Variants in ANKS1B observed in about 807,000 individuals in gnomAD.
ANKS1B encodes ankyrin repeat and sterile alpha motif domain-containing protein 1B.
In ANKS1B, 36 loss-of-function variants were observed where a neutral mutation model predicts 148.3. The ratio of observed to expected loss-of-function variants is 0.24; its 90% CI spans 0.19 to 0.32. The LOEUF (loss-of-function observed/expected upper bound fraction) is 0.32. Among genes scored for constraint, ANKS1B ranks in the 10% least tolerant of loss-of-function variants. The probability of loss-of-function intolerance (pLI) is 1.00; values close to 1 mark genes in which losing one functional copy is unlikely to be tolerated. For missense variants in ANKS1B, 1,157 were observed against 1,542.6 expected, an observed-to-expected ratio of 0.75 and a Z score of 4.19; for synonymous variants, 542 against 560.8, an observed-to-expected ratio of 0.97 and a Z score of 0.47.
intron 12 of ANKS1B, among the ~76,000 whole-genome samples, chr12:99,363,280 T>C (rs1202001362): frequency 6.6e-6 from 1 of 152,088 alleles, no homozygotes; most frequent in Non-Finnish European, 1.5e-5. Context: ...GGAGAAATTA[T>C]AGAAGAAATT....
At chr12:99,020,162 C>T (rs1292159013) in intron 17 of ANKS1B, among the ~76,000 whole-genome samples, 1 of 151,960 alleles carries the variant, frequency 6.6e-6, no homozygotes, top group Non-Finnish European at 1.5e-5. Flanking sequence ...AGTACATCTA[C>T]ACTGTTATGC....
intron 12 of ANKS1B, among the ~76,000 whole-genome samples, chr12:99,266,537 G>T (rs1466264947): frequency 6.6e-6 from 1 of 152,098 alleles, no homozygotes; most frequent in Non-Finnish European, 1.5e-5. Flanking sequence ...TCTAGAGGTT[G>T]TGCTCTTACC....
chr12:99,739,266 C>T (rs116213974), intron 8 of ANKS1B, among the ~76,000 whole-genome samples: 1,719 of 138,764 alleles, frequency 0.012, 40 homozygotes, highest in African/African-American at 0.044. Flanking sequence ...TCAAAAGAAA[C>T]TTCCATTTTA....
At chr12:99,141,209 C>G (rs79924955) in intron 15 of ANKS1B, among the ~76,000 whole-genome samples, 1 of 152,062 alleles carries the variant, frequency 6.6e-6, no homozygotes, top group Non-Finnish European at 1.5e-5. Context: ...CTTTGCCCCA[C>G]AAGTCACCCT....
At chr12:99,447,042 G>A (rs1452210197) in intron 10 of ANKS1B, among the ~76,000 whole-genome samples, 1 of 151,862 alleles carries the variant, frequency 6.6e-6, no homozygotes, top group African/African-American at 2.4e-5. Flanking sequence ...AGAAAAAACT[G>A]AGCACATTAC....
chr12:98,820,869 A>G (rs1398596513), intron 19 of ANKS1B, among the ~76,000 whole-genome samples: 1 of 152,202 alleles, frequency 6.6e-6, no homozygotes, highest in Non-Finnish European at 1.5e-5. Flanking sequence ...AAACAGAAAC[A>G]GTTTTGCAAG....
At chr12:99,948,985 C>T (rs754348874) in intron 1 of ANKS1B, among the ~76,000 whole-genome samples, 8 of 152,110 alleles carry the variant, frequency 5.3e-5, no homozygotes, top group Admixed American at 2.6e-4. Context: ...AATGACTATA[C>T]TGTGAGGTTG....
At chr12:99,950,764 A>G (rs2095199665) in intron 1 of ANKS1B, among the ~76,000 whole-genome samples, 2 of 151,604 alleles carry the variant, frequency 1.3e-5, no homozygotes, top group Admixed American at 1.3e-4. Context: ...TTTTTCTCTA[A>G]TCTGAGTGGT....
intron 9 of ANKS1B, among the ~76,000 whole-genome samples, chr12:99,509,024 C>T (rs1333423759): frequency 6.6e-6 from 1 of 151,770 alleles, no homozygotes; most frequent in East Asian, 1.9e-4. Flanking sequence ...TCTGTTATGG[C>T]CATCTGTGAT....
intron 11 of ANKS1B, among the ~76,000 whole-genome samples, chr12:99,434,928 C>A (rs563072558): frequency 1.3e-5 from 2 of 151,952 alleles, no homozygotes; most frequent in South Asian, 2.1e-4. Context: ...CTATTACTGG[C>A]AATGTGGGCA....
intron 15 of ANKS1B, among the ~76,000 whole-genome samples, chr12:99,103,792 A>G (rs1054936619): frequency 6.6e-6 from 1 of 152,196 alleles, no homozygotes; most frequent in Non-Finnish European, 1.5e-5. Context: ...CAATTAATAA[A>G]TTGTAAGCTC....
rs148275002 is a variant in ANKS1B, at chr12:99,785,590, G to A, written c.670-3493C>T. Among the ~76,000 whole-genome samples, 363 of 152,016 alleles carry A rather than the reference G, an allele frequency of 2.4e-3. 5 individuals carry two copies. The East Asian group carries it at 0.044, about 18-fold the overall frequency. ...CTGAGATTAAGGCATGCGCCACCAC[G>A]CCCAGCTAATTTTTGTATGTTTAGT... On this transcript the variant is annotated intron_variant, in intron 4 of 26. Transcript: ENST00000683438.
At position 98,745,815 on chromosome 12, in the gene ANKS1B, T is replaced by C. The variant is rs768616407; in HGVS notation, c.3782A>G (p.Asn1261Ser). The C allele has an allele frequency of 3.7e-6, 6 of 1,613,588 alleles. No individual in the cohort carries two copies. Among genetic ancestry groups the C allele is most frequent in the East Asian group, 4.5e-5 (2 of 44,840 alleles). ...IDPSEQKTLANLPWIVEPGQE... is the reference protein window; with the variant it reads ...IDPSEQKTLASLPWIVEPGQE... ...GCCCGGCTCCACAATCCACGGTAGA[T>C]TGGCCAGAGTCTTTTGCTCAGATGG... Residue 1261 changes from asparagine to serine, a missense_variant, in exon 27 of 27, where the codon AAT (asparagine) becomes AGT (serine). Transcript: ENST00000683438.
intron 12 of ANKS1B, among the ~76,000 whole-genome samples, chr12:99,395,705 C>A (rs1308259947): frequency 1.3e-5 from 2 of 152,146 alleles, no homozygotes; most frequent in Admixed American, 6.5e-5. Context: ...ATTCTAACAA[C>A]CTTTTTTGAT....
At chr12:99,356,298 T>C (rs1566949218) in intron 12 of ANKS1B, among the ~76,000 whole-genome samples, 1 of 152,146 alleles carries the variant, frequency 6.6e-6, no homozygotes, top group Non-Finnish European at 1.5e-5. Flanking sequence ...CAGAACTTTA[T>C]GGAAATCTGC....
chr12:99,211,215 C>G (rs1490934044), intron 14 of ANKS1B, among the ~76,000 whole-genome samples: 1 of 152,184 alleles, frequency 6.6e-6, no homozygotes, highest in Non-Finnish European at 1.5e-5. Flanking sequence ...TTGGCTAGCA[C>G]TGAGCTCCTG....
At chr12:99,427,179 A>C (rs1252797945) in intron 11 of ANKS1B, among the ~76,000 whole-genome samples, 1 of 152,196 alleles carries the variant, frequency 6.6e-6, no homozygotes, top group African/African-American at 2.4e-5. Context: ...TGATCTTTTA[A>C]AAATGTAGAT....
chr12:99,438,241 T>C (rs1217563700), intron 11 of ANKS1B, among the ~76,000 whole-genome samples: 1 of 151,952 alleles, frequency 6.6e-6, no homozygotes, highest in African/African-American at 2.4e-5. Context: ...AAAAGAATCA[T>C]GAACATTAAA....
intron 1 of ANKS1B, among the ~76,000 whole-genome samples, chr12:99,863,906 C>T (rs754465175): frequency 1.1e-4 from 17 of 150,042 alleles, no homozygotes; most frequent in Admixed American, 2.0e-4. Flanking sequence ...TCCTTCTCTA[C>T]TAAAATACAG....
Sources: allele counts gnomAD v4.1 joint callset (sites outside exome capture counted in the v4.1 genomes callset), GRCh38; gene constraint gnomAD v4.1.1; transcripts MANE v1.5; gene names NCBI Gene and HGNC (gene_info 2026-07-23, HGNC 2026-07-21).